The following NPFFR2 variants were observed in gnomAD, a reference collection of about 807,000 sequenced individuals.
The protein encoded by NPFFR2 is neuropeptide FF receptor 2.
NPFFR2 carries 15 observed loss-of-function variants against 13.1 expected under a neutral mutation model. That is an observed-to-expected ratio of 1.15 (90% confidence interval 0.77 to 1.76). NPFFR2 has a LOEUF of 1.76. Ranked by LOEUF, NPFFR2 falls within the 40% of genes most tolerant of loss-of-function variation. NPFFR2 has a pLI of 0.00. For synonymous variants in NPFFR2, 190 were observed against 175.7 expected (o/e 1.08, Z -0.65); for missense variants, 572 against 503.5 (o/e 1.14, Z -1.30).
At chr4:72,088,955 C>T (rs756831730) in intron 1 of NPFFR2, among the ~76,000 whole-genome samples, 19 of 152,062 alleles carry the variant, frequency 1.2e-4, no homozygotes, top group African/African-American at 2.9e-4. Context: ...TTGTACCCAG[C>T]GTGTAGTCTT....
chr4:72,104,614 C>T (rs969012124), intron 1 of NPFFR2, among the ~76,000 whole-genome samples: 5 of 152,070 alleles, frequency 3.3e-5, no homozygotes, highest in African/African-American at 4.8e-5. Context: ...GCTTAAAGCC[C>T]GTTATGTCCC....
chr4:72,062,253 T>C (rs1161645578), intron 1 of NPFFR2, among the ~76,000 whole-genome samples: 1 of 152,182 alleles, frequency 6.6e-6, no homozygotes, highest in East Asian at 1.9e-4. Flanking sequence ...TAAGTCATTA[T>C]ATTTTACTTT....
At chr4:72,037,287 A>G (rs1054739214) in intron 1 of NPFFR2, among the ~76,000 whole-genome samples, 2 of 151,526 alleles carry the variant, frequency 1.3e-5, no homozygotes, top group South Asian at 2.1e-4. Context: ...AGTTCTAGCA[A>G]CTCGGGAAGT....
chr4:72,072,432 A>G (rs1431692821), intron 1 of NPFFR2, among the ~76,000 whole-genome samples: 1 of 152,138 alleles, frequency 6.6e-6, no homozygotes, highest in Non-Finnish European at 1.5e-5. Flanking sequence ...ACTGAAATGA[A>G]TAGTCACTAG....
At chr4:72,077,053 C>G (rs1046975353) in intron 1 of NPFFR2, among the ~76,000 whole-genome samples, 4 of 152,014 alleles carry the variant, frequency 2.6e-5, no homozygotes, top group Non-Finnish European at 1.5e-5. Flanking sequence ...TGTGCTACTC[C>G]CCTTATCAGT....
chr4:72,043,450 C>T (rs1016801524), intron 1 of NPFFR2, among the ~76,000 whole-genome samples: 2 of 152,210 alleles, frequency 1.3e-5, no homozygotes, highest in Non-Finnish European at 2.9e-5. Context: ...CAAAGTCATC[C>T]CATGAAGGCA....
intron 1 of NPFFR2, among the ~76,000 whole-genome samples, chr4:72,059,941 C>A (rs941727370): frequency 3.3e-5 from 5 of 152,214 alleles, no homozygotes; most frequent in African/African-American, 9.6e-5. Context: ...TTTTTCCCCC[C>A]AGATAATTAT....
intron 1 of NPFFR2, among the ~76,000 whole-genome samples, chr4:72,099,271 C>T (rs1410015349): frequency 6.6e-6 from 1 of 151,816 alleles, no homozygotes; most frequent in Admixed American, 6.6e-5. Context: ...TCTGTTGAGA[C>T]CAGAACAATG....
rs116773712 is a variant in NPFFR2 at position 72,064,896 on chromosome 4, G to A, written c.-8+32696G>A. ...GAAAAGAAGAGCTTCGAATGCCCACGTGGTGGAGACTTGTTTCTTACTTCT... is the reference window on the plus strand; with the variant it reads ...GAAAAGAAGAGCTTCGAATGCCCACATGGTGGAGACTTGTTTCTTACTTCT... On this transcript the variant is annotated intron_variant, in intron 1 of 3. Coordinates refer to ENST00000308744, the MANE Select transcript of NPFFR2 (RefSeq NM_004885.3). 8.1e-3 allele frequency among the ~76,000 whole-genome samples: 1,236 copies of A among 152,200 alleles called. 8 individuals are homozygous for A. Among genetic ancestry groups the A allele is most frequent in the African/African-American group, 0.017 (712 of 41,536 alleles).
intron 1 of NPFFR2, among the ~76,000 whole-genome samples, chr4:72,069,728 T>G (rs1720189471): frequency 6.6e-6 from 1 of 152,194 alleles, no homozygotes; most frequent in Admixed American, 6.5e-5. Context: ...AGTAACAGAA[T>G]TATTGGAAAT....
intron 1 of NPFFR2, among the ~76,000 whole-genome samples, chr4:72,068,200 A>G (rs1289048472): frequency 2.0e-5 from 3 of 152,104 alleles, no homozygotes; most frequent in Non-Finnish European, 4.4e-5. Flanking sequence ...AAAGAACATA[A>G]ATTTATTTCC....
intron 1 of NPFFR2, among the ~76,000 whole-genome samples, chr4:72,045,609 C>T (rs1247719871): frequency 3.3e-5 from 5 of 152,166 alleles, no homozygotes; most frequent in South Asian, 4.1e-4. Flanking sequence ...TTCTGAACAT[C>T]GTAGCTTAGC....
chr4:72,043,927 C>T (rs1470798238), intron 1 of NPFFR2, among the ~76,000 whole-genome samples: 1 of 152,062 alleles, frequency 6.6e-6, no homozygotes, highest in African/African-American at 2.4e-5. Context: ...GTGTCCCCAC[C>T]CAAATCTCAT....
At chr4:72,141,621 G>A (rs1003265066) in intron 3 of NPFFR2, among the ~76,000 whole-genome samples, 1 of 152,186 alleles carries the variant, frequency 6.6e-6, no homozygotes, top group African/African-American at 2.4e-5. Context: ...TGTGGTCTGA[G>A]TGACAGTTTG....
chr4:72,092,260 T>C (rs1434742300), intron 1 of NPFFR2, among the ~76,000 whole-genome samples: 1 of 152,106 alleles, frequency 6.6e-6, no homozygotes, highest in Non-Finnish European at 1.5e-5. Flanking sequence ...GCCTATCATA[T>C]GGTCTATCAT....
intron 1 of NPFFR2, among the ~76,000 whole-genome samples, chr4:72,060,510 GA>G (rs1560398441): frequency 6.6e-6 from 1 of 152,102 alleles, no homozygotes; most frequent in African/African-American, 2.4e-5. Context: ...TGAAGAGGTA[GA>G]TTCCCTCCTC....
At chr4:72,037,401 T>C (rs1022617677) in intron 1 of NPFFR2, among the ~76,000 whole-genome samples, 3 of 48,540 alleles carry the variant, frequency 6.2e-5, no homozygotes, top group South Asian at 3.1e-3. Context: ...AAGATCTTGT[T>C]TGAAAAAAAA....
At chr4:72,061,895 A>G (rs1281203507) in intron 1 of NPFFR2, among the ~76,000 whole-genome samples, 2 of 152,162 alleles carry the variant, frequency 1.3e-5, no homozygotes, top group African/African-American at 4.8e-5. Flanking sequence ...ACACATGTAT[A>G]CCTATGTAAC....
intron 1 of NPFFR2, among the ~76,000 whole-genome samples, chr4:72,088,831 A>G (rs535735039): frequency 5.3e-4 from 81 of 151,924 alleles, no homozygotes; most frequent in African/African-American, 1.9e-3. Context: ...GGGGAAAACA[A>G]TTCTTTTTTT....
Sources: allele counts gnomAD v4.1 joint callset (sites outside exome capture counted in the v4.1 genomes callset), GRCh38; gene constraint gnomAD v4.1.1; transcripts MANE v1.5; gene names NCBI Gene and HGNC (gene_info 2026-07-23, HGNC 2026-07-21).